ANO10: variants seen among roughly 807,000 people sequenced by gnomAD.
ANO10 encodes anoctamin 10.
Under a neutral mutation model 74.7 loss-of-function variants are expected in ANO10, and 77 were observed. The ratio of observed to expected loss-of-function variants is 1.03; its 90% CI spans 0.86 to 1.25. The LOEUF (loss-of-function observed/expected upper bound fraction) is 1.25, where lower values mean the gene tolerates loss of function less well. Ranked by LOEUF, ANO10 falls within the 50% of genes most tolerant of loss-of-function variation. The pLI is 0.00. For synonymous variants in ANO10, 279 were observed against 284.9 expected (o/e 0.98, Z 0.21); for missense variants, 721 against 778.1 (o/e 0.93, Z 0.87).
intron 1 of ANO10, among the ~76,000 whole-genome samples, chr3:43,631,715 T>C (rs2083549000): frequency 6.8e-6 from 1 of 147,048 alleles, no homozygotes; most frequent in Non-Finnish European, 1.5e-5. Context: ...TCAATGAATG[T>C]AGAGAACCCA....
At chr3:43,585,369 C>A (rs1172013421) in intron 4 of ANO10, among the ~76,000 whole-genome samples, 1 of 151,308 alleles carries the variant, frequency 6.6e-6, no homozygotes, top group Non-Finnish European at 1.5e-5. Flanking sequence ...GGAAAAAAAA[C>A]AACCTTTGTT....
chr3:43,617,127 G>A (rs1559787222), intron 1 of ANO10, among the ~76,000 whole-genome samples: 2 of 149,274 alleles, frequency 1.3e-5, no homozygotes, highest in Non-Finnish European at 3.0e-5. Flanking sequence ...TTTTACCAGA[G>A]GGTCTTAATG....
intron 11 of ANO10, 129 bp downstream of exon 11, chr3:43,549,591 G>A (rs2079360446): frequency 1.9e-6 from 2 of 1,036,980 alleles, no homozygotes; most frequent in East Asian, 4.8e-5. Context: ...TACTTGAACT[G>A]TTTTTGCTTT....
At chr3:43,508,859 G>A (rs1575297769) in intron 11 of ANO10, among the ~76,000 whole-genome samples, 1 of 150,678 alleles carries the variant, frequency 6.6e-6, no homozygotes, top group African/African-American at 2.4e-5. Flanking sequence ...CGAGTTAATG[G>A]GTGTAGCACA....
At chr3:43,412,241 G>A (rs2092677349) in intron 12 of ANO10, among the ~76,000 whole-genome samples, 1 of 151,970 alleles carries the variant, frequency 6.6e-6, no homozygotes, top group Non-Finnish European at 1.5e-5. Context: ...GCCTAGCTTG[G>A]TACCCCTTAA....
At chr3:43,431,077 CT>C (rs758157587) in intron 12 of ANO10, among the ~76,000 whole-genome samples, 3,721 of 141,314 alleles carry the variant, frequency 0.026, 133 homozygotes, top group African/African-American at 0.084. Context: ...ATTTTCTTTT[CT>C]TTTTTTTTTT....
chr3:43,566,777 G>A (rs1364332399), intron 7 of ANO10, among the ~76,000 whole-genome samples: 5 of 152,332 alleles, frequency 3.3e-5, no homozygotes, highest in Non-Finnish European at 5.9e-5. Context: ...AAAGCAGAGC[G>A]CCTCTCCTCC....
At chr3:43,415,762 G>C (rs914674188) in intron 12 of ANO10, among the ~76,000 whole-genome samples, 1 of 151,916 alleles carries the variant, frequency 6.6e-6, no homozygotes, top group South Asian at 2.1e-4. Flanking sequence ...GGCTGCTCAC[G>C]AACTCCTGAC....
chr3:43,639,777 A>G lies in ANO10; in HGVS notation c.-11-33914T>C, dbSNP rs915770456. ...GCGACAGAGTAAGACTCCATCTCAGAAAAAAAAAAAAAAGAAAGAAAGAAA... is the reference window on the plus strand; with the variant it reads ...GCGACAGAGTAAGACTCCATCTCAGGAAAAAAAAAAAAAGAAAGAAAGAAA... On this transcript the variant is annotated intron_variant, in intron 1 of 3. Transcript: ENST00000413397. 2.8e-5 allele frequency among the ~76,000 whole-genome samples: 4 copies of G among 142,186 alleles called. No individual in the cohort carries two copies. The East Asian group carries it at 6.2e-4, about 22-fold the overall frequency. 93.3% of individuals were successfully genotyped at this position (142,186 alleles called of 152,430 possible). A position where few individuals can be genotyped will look rare whatever the true frequency, so the allele number is the denominator to read the frequency against.
chr3:43,477,109 C>A (rs1159693239), intron 11 of ANO10, among the ~76,000 whole-genome samples: 1 of 152,156 alleles, frequency 6.6e-6, no homozygotes, highest in Non-Finnish European at 1.5e-5. Context: ...AGTATTCTCC[C>A]TAGAGACAAG....
chr3:43,510,609 T>C (rs1179554445), intron 11 of ANO10, among the ~76,000 whole-genome samples: 1 of 152,148 alleles, frequency 6.6e-6, no homozygotes, highest in East Asian at 1.9e-4. Flanking sequence ...ACAAAATCTC[T>C]GTGTATTATT....
chr3:43,532,991 C>T (rs899644579), intron 11 of ANO10, among the ~76,000 whole-genome samples: 57 of 152,154 alleles, frequency 3.7e-4, no homozygotes, highest in African/African-American at 1.4e-3. Flanking sequence ...TATGGCAAAG[C>T]CAGGACCTAA....
At chr3:43,687,443 G>A (rs2084289914) in intron 1 of ANO10, among the ~76,000 whole-genome samples, 1 of 152,086 alleles carries the variant, frequency 6.6e-6, no homozygotes, top group Non-Finnish European at 1.5e-5. Context: ...AACTACTATT[G>A]GAGGGCTGGA....
At chr3:43,688,440 C>T (rs1056899505) in intron 1 of ANO10, among the ~76,000 whole-genome samples, 2 of 152,206 alleles carry the variant, frequency 1.3e-5, no homozygotes, top group African/African-American at 2.4e-5. Flanking sequence ...AGATGCTAAT[C>T]CACAATGTTG....
In ANO10 at chr3:43,504,304, A is replaced by AGG. The variant is rs1559623101; in HGVS notation, c.1797+45415_1797+45416insCC. On this transcript the variant is annotated intron_variant, in intron 11 of 12. Coordinates refer to ENST00000292246, the MANE Select transcript of ANO10 (RefSeq NM_018075.5). Reference sequence around the variant, plus strand: ...GATAGGTAGGTAGGTAGGTAGGTAGATAGATAGATAGATAGATAGATAGAT... The same window carrying AGG: ...GATAGGTAGGTAGGTAGGTAGGTAGAGGTAGATAGATAGATAGATAGATAGAT... 2.9e-3 allele frequency among the ~76,000 whole-genome samples: 120 copies of AGG among 41,048 alleles called. 1 individual carries two copies. Among genetic ancestry groups the AGG allele is most frequent in the East Asian group, 0.013 (10 of 768 alleles). The allele number at this position is 41,048 out of a possible 152,430, so 26.9% of individuals were successfully genotyped here.
intron 1 of ANO10, among the ~76,000 whole-genome samples, chr3:43,645,871 G>A (rs938499186): frequency 9.9e-5 from 15 of 151,994 alleles, no homozygotes; most frequent in African/African-American, 3.1e-4. Context: ...GCAGTGACAC[G>A]ATCTGGGCTC....
At chr3:43,539,552 G>T (rs2078863616) in intron 11 of ANO10, among the ~76,000 whole-genome samples, 2 of 152,178 alleles carry the variant, frequency 1.3e-5, no homozygotes. Context: ...AGCACAGGCT[G>T]GGGTGCAGTA....
At chr3:43,390,542 C>T (rs1033330247) in intron 12 of ANO10, among the ~76,000 whole-genome samples, 12 of 152,200 alleles carry the variant, frequency 7.9e-5, no homozygotes, top group Admixed American at 6.5e-5. Context: ...CTCCTTAGCC[C>T]GCCACAGGTG....
intron 1 of ANO10, among the ~76,000 whole-genome samples, chr3:43,684,280 A>T (rs1287636230): frequency 6.6e-6 from 1 of 152,272 alleles, no homozygotes; most frequent in Non-Finnish European, 1.5e-5. Flanking sequence ...GGATATGGAC[A>T]GACAATTCTC....
Sources: allele counts gnomAD v4.1 joint callset (sites outside exome capture counted in the v4.1 genomes callset), GRCh38; gene constraint gnomAD v4.1.1; transcripts MANE v1.5; gene names NCBI Gene and HGNC (gene_info 2026-07-23, HGNC 2026-07-21).